The following DLGAP2 variants were observed in gnomAD, a reference collection of about 807,000 sequenced individuals.
DLGAP2 encodes the protein DLG associated protein 2, also known as disks large-associated protein 2.
A neutral mutation model predicts 100.3 loss-of-function variants in DLGAP2; 26 were observed. The ratio of observed to expected loss-of-function variants is 0.26; its 90% CI spans 0.19 to 0.36. DLGAP2 has a LOEUF of 0.36. Among genes scored for constraint, DLGAP2 ranks in the 10% least tolerant of loss-of-function variants. The pLI, the probability that DLGAP2 is intolerant of heterozygous loss-of-function variation, is 1.00. For missense variants in DLGAP2, 1,858 were observed against 1,453.2 expected (o/e 1.28, Z -4.53); for synonymous variants, 886 against 630.1 (o/e 1.41, Z -6.08).
chr8:1,024,256 C>G (rs1404323646), intron 2 of DLGAP2, among the ~76,000 whole-genome samples: 2 of 135,788 alleles, frequency 1.5e-5, no homozygotes, highest in Admixed American at 7.4e-5. Context: ...CGTGCCGAGG[C>G]AGACACCCCA....
At chr8:921,890 G>A (rs549394378) in intron 2 of DLGAP2, among the ~76,000 whole-genome samples, 41 of 152,186 alleles carry the variant, frequency 2.7e-4, no homozygotes, top group Non-Finnish European at 5.0e-4. Context: ...TCCAGTGGAC[G>A]GCGAGACGTT....
chr8:945,691 C>A (rs1411839797), intron 2 of DLGAP2, among the ~76,000 whole-genome samples: 1 of 152,168 alleles, frequency 6.6e-6, no homozygotes, highest in Admixed American at 6.5e-5. Flanking sequence ...TGAGTCATTT[C>A]TTTAGCAGCA....
intron 2 of DLGAP2, among the ~76,000 whole-genome samples, chr8:963,365 G>C (rs55873750): frequency 0.015 from 2,299 of 152,112 alleles, 56 homozygotes; most frequent in African/African-American, 0.052. Flanking sequence ...ATTTTGGAAT[G>C]TGAGCTCCCT....
intron 2 of DLGAP2, among the ~76,000 whole-genome samples, chr8:917,036 G>T (rs569889094): frequency 6.0e-4 from 92 of 152,342 alleles, no homozygotes; most frequent in Non-Finnish European, 9.8e-4. Context: ...GTGAGAGGCA[G>T]GAAGCTTGTG....
intron 3 of DLGAP2, among the ~76,000 whole-genome samples, chr8:1,370,776 A>T (rs1000734886): frequency 2.0e-5 from 3 of 152,182 alleles, no homozygotes; most frequent in African/African-American, 4.8e-5. Flanking sequence ...TCTGAGGGTT[A>T]CCACTGCCTG....
chr8:818,464 C>CA (rs1796526646), intron 1 of DLGAP2, among the ~76,000 whole-genome samples: 3 of 152,226 alleles, frequency 2.0e-5, no homozygotes, highest in Admixed American at 2.0e-4. Context: ...AGCACAGACT[C>CA]ACGGTTTTTC....
At chr8:800,194 G>A (rs1796119404) in intron 1 of DLGAP2, among the ~76,000 whole-genome samples, 1 of 152,204 alleles carries the variant, frequency 6.6e-6, no homozygotes, top group South Asian at 2.1e-4. Context: ...GGTCCTGCCA[G>A]GCTCCAGGCC....
At chr8:972,453 G>C (rs1800036228) in intron 2 of DLGAP2, among the ~76,000 whole-genome samples, 1 of 152,092 alleles carries the variant, frequency 6.6e-6, no homozygotes, top group East Asian at 1.9e-4. Context: ...GAAAATCAAA[G>C]ATAAAAAACA....
At chr8:935,622 G>A (rs1010126315) in intron 2 of DLGAP2, among the ~76,000 whole-genome samples, 1 of 152,090 alleles carries the variant, frequency 6.6e-6, no homozygotes, top group African/African-American at 2.4e-5. Flanking sequence ...CTCCTGCACC[G>A]AGTTCCATGT....
At chr8:1,420,261 A>T (rs1264474575) in intron 3 of DLGAP2, among the ~76,000 whole-genome samples, 3 of 152,140 alleles carry the variant, frequency 2.0e-5, no homozygotes, top group Non-Finnish European at 4.4e-5. Flanking sequence ...GCTGGGAATG[A>T]CTAAGGACTG....
At chr8:1,012,405 G>T (rs955747801) in intron 2 of DLGAP2, among the ~76,000 whole-genome samples, 1 of 152,254 alleles carries the variant, frequency 6.6e-6, no homozygotes, top group Non-Finnish European at 1.5e-5. Context: ...GGACCCACAG[G>T]CTGCTGCGCG....
intron 6 of DLGAP2, among the ~76,000 whole-genome samples, chr8:1,594,723 C>G (rs1024179185): frequency 1.3e-5 from 2 of 152,152 alleles, no homozygotes; most frequent in Non-Finnish European, 2.9e-5. Flanking sequence ...CGCGCCCGGC[C>G]AGGTCACACT....
intron 3 of DLGAP2, among the ~76,000 whole-genome samples, chr8:1,312,487 G>A (rs1800635883): frequency 6.6e-6 from 1 of 152,148 alleles, no homozygotes; most frequent in Admixed American, 6.5e-5. Flanking sequence ...GCAACAAGAA[G>A]AAAACACACA....
At chr8:1,123,819 T>A (rs1796104518) in intron 2 of DLGAP2, among the ~76,000 whole-genome samples, 1 of 152,186 alleles carries the variant, frequency 6.6e-6, no homozygotes, top group Non-Finnish European at 1.5e-5. Context: ...TAATTAATAA[T>A]GTCAAGGATT....
intron 3 of DLGAP2, among the ~76,000 whole-genome samples, chr8:1,264,190 C>G (rs982804723): frequency 7.9e-5 from 12 of 152,088 alleles, no homozygotes; most frequent in African/African-American, 2.9e-4. Flanking sequence ...ATCCCCTGAG[C>G]CCCAAGAACT....
At chr8:1,391,021 G>T (rs1451844061) in intron 3 of DLGAP2, among the ~76,000 whole-genome samples, 1 of 152,206 alleles carries the variant, frequency 6.6e-6, no homozygotes, top group African/African-American at 2.4e-5. Context: ...CCCATGTGGG[G>T]TCATCTGGAA....
chr8:980,863 A>G (rs1287197249), intron 2 of DLGAP2, among the ~76,000 whole-genome samples: 1 of 152,156 alleles, frequency 6.6e-6, no homozygotes, highest in African/African-American at 2.4e-5. Context: ...TAGGGAACAC[A>G]CAGGAACGCC....
chr8:886,975 G>C (rs1045685031), intron 1 of DLGAP2, among the ~76,000 whole-genome samples: 4 of 152,314 alleles, frequency 2.6e-5, no homozygotes, highest in South Asian at 2.1e-4. Context: ...GGGTGCTAAA[G>C]TTTCCCACTA....
intron 12 of DLGAP2, among the ~76,000 whole-genome samples, chr8:1,686,609 G>C (rs1050941208): frequency 6.6e-6 from 1 of 152,058 alleles, no homozygotes; most frequent in Non-Finnish European, 1.5e-5. Flanking sequence ...GGGAGGCAGA[G>C]GTTGCAGTGA....
Sources: allele counts gnomAD v4.1 joint callset (sites outside exome capture counted in the v4.1 genomes callset), GRCh38; gene constraint gnomAD v4.1.1; transcripts MANE v1.5; gene names NCBI Gene and HGNC (gene_info 2026-07-23, HGNC 2026-07-21).